Variants in SHQ1 observed in about 807,000 individuals in gnomAD.
The protein encoded by SHQ1 is SHQ1, H/ACA ribonucleoprotein assembly factor.
In SHQ1, 49 loss-of-function variants were observed where a neutral mutation model predicts 53.8. The ratio of observed to expected loss-of-function variants is 0.91; its 90% CI spans 0.72 to 1.16. SHQ1 has a LOEUF of 1.16. Ranked by LOEUF, SHQ1 falls within the 50% of genes most tolerant of loss-of-function variation. The pLI is 0.00. For synonymous variants in SHQ1, 243 were observed against 251.0 expected (o/e 0.97, Z 0.30); for missense variants, 738 against 683.1 (o/e 1.08, Z -0.90).
intron 10 of SHQ1, among the ~76,000 whole-genome samples, chr3:72,792,504 G>A (rs1178096394): frequency 6.6e-6 from 1 of 152,010 alleles, no homozygotes; most frequent in Non-Finnish European, 1.5e-5. Flanking sequence ...ACTTATTCCT[G>A]GCCAGGCACA....
downstream of SHQ1, among the ~76,000 whole-genome samples, chr3:72,746,780 G>A (rs1015377290): frequency 1.3e-5 from 2 of 152,242 alleles, no homozygotes; most frequent in East Asian, 1.9e-4. Flanking sequence ...AACTTCCATG[G>A]CGTTAAATTT....
intron 6 of SHQ1, among the ~76,000 whole-genome samples, chr3:72,818,944 GGAA>G (rs2106880489): frequency 6.6e-6 from 1 of 152,232 alleles, no homozygotes; most frequent in Admixed American, 6.5e-5. Flanking sequence ...ATGTGAGATT[GGAA>G]GAAGACCTTG....
At chr3:72,842,157 T>C (rs1440837377) in intron 3 of SHQ1, 123 bp downstream of exon 3, 13 of 1,025,370 alleles carry the variant, frequency 1.3e-5, no homozygotes, top group East Asian at 2.6e-5. Context: ...TTTCACATGA[T>C]CACCTTATAC....
intron 4 of SHQ1, among the ~76,000 whole-genome samples, chr3:72,837,282 G>C (rs1254311908): frequency 6.6e-6 from 1 of 152,078 alleles, no homozygotes; most frequent in Non-Finnish European, 1.5e-5. Context: ...AAGAGAATTT[G>C]TTTCAGCAAA....
chr3:72,773,350 A>T, intron 10 of SHQ1: 1 of 548,640 alleles, frequency 1.8e-6, no homozygotes, highest in Non-Finnish European at 3.5e-6. Context: ...TACTCCAACA[A>T]GGAAGGAAAG....
Position 72,844,441 on chromosome 3 carries a change from G to A in SHQ1, c.144-18C>T. ...GGGTTAATCTGCAGATTTAACACAG[G>A]TCTCATGAAGTCCTTAAATTATAAC... On this transcript the variant is annotated intron_variant, in intron 1 of 10. Transcript: ENST00000325599. 6.2e-7 allele frequency: 1 copy of A among 1,601,424 alleles called. No homozygotes were observed. The highest frequency in any genetic ancestry group is 2.2e-5 in the East Asian group (1 of 44,728).
chr3:72,798,549 T>A (rs1438308348), intron 9 of SHQ1, among the ~76,000 whole-genome samples: 1 of 152,250 alleles, frequency 6.6e-6, no homozygotes, highest in East Asian at 1.9e-4. Context: ...TCCCCAGCTT[T>A]CCTTTAAAGG....
chr3:72,827,759 T>TTTC (rs1328451107), intron 5 of SHQ1, among the ~76,000 whole-genome samples: 1 of 148,126 alleles, frequency 6.8e-6, no homozygotes, highest in Non-Finnish European at 1.5e-5. Flanking sequence ...AAGACTTTTT[T>TTTC]TTTTTTTTTT....
chr3:72,838,033 A>G (rs924960322), intron 4 of SHQ1, among the ~76,000 whole-genome samples: 4 of 152,162 alleles, frequency 2.6e-5, no homozygotes, highest in African/African-American at 9.7e-5. Context: ...GGTGAGCTTC[A>G]GGATTCACTC....
chr3:72,829,913 A>C (rs1277452615), intron 5 of SHQ1, among the ~76,000 whole-genome samples: 5 of 152,228 alleles, frequency 3.3e-5, no homozygotes, highest in Admixed American at 3.3e-4. Context: ...ACTCTCAGCA[A>C]GAGAAGTATG....
Position 72,765,557 on chromosome 3 carries a change from A to ATATATATTTT in SHQ1, c.1182-14722_1182-14721insAAAATATATA, listed in dbSNP as rs1491527508. Reference sequence around the variant, plus strand: ...TATATATATATATATATATATATATATTTTTTTTTTTTTTTTGAGACAGTC... The same window carrying ATATATATTTT: ...TATATATATATATATATATATATATATATATATTTTTTTTTTTTTTTTTTTTGAGACAGTC... On this transcript the variant is annotated intron_variant, in intron 10 of 10. Transcript: ENST00000325599. Among the ~76,000 whole-genome samples the ATATATATTTT allele has an allele frequency of 1.9e-4, 11 of 57,192 alleles. 1 individual carries two copies. Among genetic ancestry groups the ATATATATTTT allele is most frequent in the African/African-American group, 7.9e-4 (10 of 12,600 alleles). The allele number at this position is 57,192 out of a possible 152,430, so 37.5% of individuals were successfully genotyped here.
rs1381088778 is a variant in SHQ1 at position 72,844,388 on chromosome 3, C to G, written c.179G>C (p.Ser60Thr). The change falls in exon 2 of 11, where the codon AGT (serine) becomes ACT (threonine). Residue 60 changes from serine (S) to threonine (T), a missense_variant. By Grantham distance (58) the Ser-to-Thr change is moderately conservative (BLOSUM62 1). Transcript: ENST00000325599. Reference protein sequence around the residue: ...TLPGRIVENGSEQGSYDADKG... With the variant: ...TLPGRIVENGTEQGSYDADKG... ...ATCTGCATCATAGGACCCTTGCTCA[C>G]TTCCATTTTCTACAATTCTTCCAGG... The G allele has an allele frequency of 5.6e-6, 9 of 1,613,740 alleles. No homozygotes were observed. The highest frequency in any genetic ancestry group is 8.5e-7 in the Non-Finnish European group (1 of 1,179,842).
intron 4 of SHQ1, among the ~76,000 whole-genome samples, chr3:72,839,000 A>G (rs1428483753): frequency 6.6e-6 from 1 of 152,214 alleles, no homozygotes; most frequent in African/African-American, 2.4e-5. Flanking sequence ...TCAAGATACA[A>G]GAATTTCTGA....
At chr3:72,787,915 C>T (rs1383930565) in intron 10 of SHQ1, among the ~76,000 whole-genome samples, 1 of 152,218 alleles carries the variant, frequency 6.6e-6, no homozygotes, top group African/African-American at 2.4e-5. Context: ...GGGGTTTCGC[C>T]GTGCTGGCCG....
chr3:72,844,180 C>T (rs1015244653), intron 2 of SHQ1, among the ~76,000 whole-genome samples, 179 bp downstream of exon 2: 2 of 152,024 alleles, frequency 1.3e-5, no homozygotes, highest in African/African-American at 4.8e-5. Context: ...CTTTAAAAGA[C>T]TTGTGAGGGG....
At chr3:72,804,384 G>A (rs1452417844) in intron 9 of SHQ1, among the ~76,000 whole-genome samples, 1 of 152,130 alleles carries the variant, frequency 6.6e-6, no homozygotes, top group African/African-American at 2.4e-5. Flanking sequence ...GTATCCACTA[G>A]CTGTTCTTCC....
At position 72,817,306 on chromosome 3, in the gene SHQ1, C is replaced by T. The variant is rs375075276; in HGVS notation, c.806G>A (p.Arg269His). The T allele has an allele frequency of 5.8e-5, 94 of 1,613,770 alleles. No individual in the cohort carries two copies. Among genetic ancestry groups the T allele is most frequent in the Non-Finnish European group, 7.4e-5 (87 of 1,179,816 alleles). ...KSYLLDKRAC[R>H]QVCYSLIDIL... Reference sequence around the variant, plus strand: ...ATCAATCAAACTGTAGCACACTTGACGACAGGCTCTCTTGTCCAGCAGATA... The same window carrying T: ...ATCAATCAAACTGTAGCACACTTGATGACAGGCTCTCTTGTCCAGCAGATA... Residue 269 changes from arginine to histidine, a missense_variant, in exon 7 of 11, where the codon CGT (arginine) becomes CAT (histidine). Physicochemically the swap from Arg to His is conservative, Grantham distance 29 (BLOSUM62 0). Coordinates refer to ENST00000325599, the MANE Select transcript of SHQ1 (RefSeq NM_018130.3).
chr3:72,784,819 A>T (rs1308543810), intron 10 of SHQ1, among the ~76,000 whole-genome samples: 2 of 152,084 alleles, frequency 1.3e-5, no homozygotes, highest in East Asian at 3.9e-4. Flanking sequence ...CACTCTGTAG[A>T]TTTATTATAA....
intron 10 of SHQ1, among the ~76,000 whole-genome samples, chr3:72,756,035 A>T (rs1465488771): frequency 6.6e-6 from 1 of 152,010 alleles, no homozygotes; most frequent in Non-Finnish European, 1.5e-5. Context: ...AGTAGCTGGG[A>T]CTACAGGCAC....
Sources: allele counts gnomAD v4.1 joint callset (sites outside exome capture counted in the v4.1 genomes callset), GRCh38; gene constraint gnomAD v4.1.1; transcripts MANE v1.5; gene names NCBI Gene and HGNC (gene_info 2026-07-23, HGNC 2026-07-21).